SLIT3: variants seen among roughly 807,000 people sequenced by gnomAD.
SLIT3 encodes the protein slit homolog 3 protein.
In SLIT3, 68 loss-of-function variants were observed where a neutral mutation model predicts 184.0. That is an observed-to-expected ratio of 0.37 (90% CI 0.30 to 0.45). The LOEUF is 0.45. Ranked by LOEUF, SLIT3 falls within the 20% of genes least tolerant of loss-of-function variation. SLIT3 has a pLI of 1.00. For missense variants in SLIT3, 1,707 were observed against 2,026.0 expected, an observed-to-expected ratio of 0.84 and a Z score of 3.02; for synonymous variants, 831 against 828.6, an observed-to-expected ratio of 1.00 and a Z score of -0.05.
intron 8 of SLIT3, among the ~76,000 whole-genome samples, chr5:168,809,364 G>A (rs1203525809): frequency 1.3e-5 from 2 of 152,166 alleles, no homozygotes; most frequent in Non-Finnish European, 2.9e-5. Flanking sequence ...CTTTAATTAG[G>A]CAGAGAGAAA....
intron 4 of SLIT3, among the ~76,000 whole-genome samples, chr5:169,004,459 C>T (rs1257919531): frequency 6.6e-6 from 1 of 152,162 alleles, no homozygotes; most frequent in African/African-American, 2.4e-5. Flanking sequence ...TCTTCAGCTG[C>T]TTTTACTGAG....
intron 5 of SLIT3, among the ~76,000 whole-genome samples, chr5:168,862,655 G>GTT (rs144949665): frequency 6.7e-6 from 1 of 149,400 alleles, no homozygotes; most frequent in African/African-American, 2.5e-5. Context: ...TAGAACATTG[G>GTT]TTTTTTTGTT....
intron 4 of SLIT3, among the ~76,000 whole-genome samples, chr5:168,964,636 C>A (rs1763121413): frequency 6.6e-6 from 1 of 152,234 alleles, no homozygotes; most frequent in African/African-American, 2.4e-5. Flanking sequence ...CACAGTCAAC[C>A]TTTCAGCCTT....
chr5:169,242,157 G>C (rs985073033), intron 3 of SLIT3, among the ~76,000 whole-genome samples: 1 of 152,138 alleles, frequency 6.6e-6, no homozygotes, highest in East Asian at 1.9e-4. Flanking sequence ...AAAACAGAAC[G>C]AATAACCAAA....
chr5:169,263,994 A>G (rs1444905175), intron 1 of SLIT3, among the ~76,000 whole-genome samples: 2 of 149,358 alleles, frequency 1.3e-5, no homozygotes, highest in Non-Finnish European at 3.0e-5. Context: ...AACATTTTAC[A>G]TTTTGCTTAT....
At chr5:169,113,766 C>T (rs1760537043) in intron 4 of SLIT3, among the ~76,000 whole-genome samples, 2 of 151,682 alleles carry the variant, frequency 1.3e-5, no homozygotes, top group African/African-American at 4.9e-5. Flanking sequence ...ACCGATTCTC[C>T]TGCCTCAGCT....
intron 4 of SLIT3, among the ~76,000 whole-genome samples, chr5:169,079,625 AGAG>A (rs1364359859): frequency 2.0e-5 from 1 of 50,006 alleles, no homozygotes; most frequent in Middle Eastern, 0.014. Context: ...GGAGGAGAGA[AGAG>A]GAGGAGGGAA....
At chr5:168,747,010 G>GTGTGGA (rs1295906546) in intron 20 of SLIT3, among the ~76,000 whole-genome samples, 3 of 150,996 alleles carry the variant, frequency 2.0e-5, no homozygotes, top group African/African-American at 7.3e-5. Flanking sequence ...TGGTGTGGTG[G>GTGTGGA]TGTGTGGTGT....
In SLIT3 at chr5:168,664,700, G is replaced by A. The variant is rs1186120167; in HGVS notation, c.*1754C>T. 1 of 152,278 alleles carries A rather than the reference G, an allele frequency of 6.6e-6. No individual in the cohort carries two copies. Among genetic ancestry groups the A allele is most frequent in the Admixed American group, 6.5e-5 (1 of 15,278 alleles). The allele number at this position is 152,278 out of a possible 1,614,324, so 9.4% of individuals were successfully genotyped here. ...TCTTCTCCCTGAAACTCCTACAGTG[G>A]AAGCTCCTGGGGGAAGGAGGGATGG... is the stretch of plus-strand genomic sequence containing the variant. On this transcript the variant is annotated 3_prime_UTR_variant, in exon 36 of 36. Transcript: ENST00000519560.
intron 3 of SLIT3, among the ~76,000 whole-genome samples, chr5:169,196,883 G>A (rs1763759941): frequency 6.6e-6 from 1 of 152,124 alleles, no homozygotes; most frequent in Non-Finnish European, 1.5e-5. Context: ...GGTCCCTAAG[G>A]CAAGAACTGA....
intron 16 of SLIT3, among the ~76,000 whole-genome samples, chr5:168,757,763 T>C (rs1281279315): frequency 6.6e-6 from 1 of 152,204 alleles, no homozygotes; most frequent in East Asian, 1.9e-4. Context: ...TATAACCAGC[T>C]ACTCTGGGTC....
At chr5:169,171,091 C>A (rs1331040202) in intron 4 of SLIT3, among the ~76,000 whole-genome samples, 2 of 152,186 alleles carry the variant, frequency 1.3e-5, no homozygotes, top group African/African-American at 4.8e-5. Context: ...GCTGACCATG[C>A]TGAGGAATTC....
At chr5:169,289,373 G>C (rs548819210) in intron 1 of SLIT3, among the ~76,000 whole-genome samples, 10 of 152,300 alleles carry the variant, frequency 6.6e-5, no homozygotes, top group African/African-American at 2.4e-4. Context: ...ACACATTATT[G>C]AACAGGACAG....
chr5:168,779,167 C>G (rs1244331341), intron 12 of SLIT3, among the ~76,000 whole-genome samples: 1 of 152,138 alleles, frequency 6.6e-6, no homozygotes, highest in Non-Finnish European at 1.5e-5. Flanking sequence ...TAACTTTGAC[C>G]AAAGTTCCAC....
chr5:169,154,409 C>G (rs1448971160), intron 4 of SLIT3, among the ~76,000 whole-genome samples: 1 of 152,212 alleles, frequency 6.6e-6, no homozygotes, highest in Non-Finnish European at 1.5e-5. Context: ...CTGCTGCCAT[C>G]CTATAGGTGG....
At chr5:168,785,415 GTCTT>G (rs1561931658) in intron 12 of SLIT3, among the ~76,000 whole-genome samples, 3 of 152,138 alleles carry the variant, frequency 2.0e-5, no homozygotes, top group African/African-American at 7.2e-5. Flanking sequence ...TCTCCACCCT[GTCTT>G]TCCCAGATGG....
At chr5:168,685,168 T>C (rs755345846) in intron 31 of SLIT3, among the ~76,000 whole-genome samples, 60 of 152,200 alleles carry the variant, frequency 3.9e-4, no homozygotes, top group Non-Finnish European at 6.6e-4. Flanking sequence ...AGGTTGGTCT[T>C]GAACTCCTGA....
intron 4 of SLIT3, among the ~76,000 whole-genome samples, chr5:169,123,116 A>G (rs1760943452): frequency 6.6e-6 from 1 of 152,184 alleles, no homozygotes; most frequent in African/African-American, 2.4e-5. Flanking sequence ...AAACTGCACC[A>G]AAATCAACTT....
intron 9 of SLIT3, among the ~76,000 whole-genome samples, chr5:168,803,208 T>C (rs1756830946): frequency 6.6e-6 from 1 of 152,234 alleles, no homozygotes; most frequent in Non-Finnish European, 1.5e-5. Context: ...GAGACTACTC[T>C]GTCTTCAGTG....
Sources: gnomAD v4.1 joint callset for allele counts (sites outside exome capture counted in the v4.1 genomes callset) on GRCh38, gnomAD v4.1.1 for gene constraint, MANE v1.5 for transcripts, NCBI Gene and HGNC (gene_info 2026-07-23, HGNC 2026-07-21) for gene names.